The following DENND2B variants were observed in gnomAD, a reference collection of about 807,000 sequenced individuals.
DENND2B encodes the protein DENN domain-containing protein 2B.
In DENND2B, 32 loss-of-function variants were observed where a neutral mutation model predicts 116.0. The observed-to-expected ratio is 0.28, with a 90% CI of 0.21 to 0.37. The LOEUF (loss-of-function observed/expected upper bound fraction) is 0.37. Among genes scored for constraint, DENND2B ranks in the 10% least tolerant of loss-of-function variants. The pLI is 1.00. For missense variants in DENND2B, 1,276 were observed against 1,477.7 expected, an observed-to-expected ratio of 0.86 and a Z score of 2.24; for synonymous variants, 588 against 583.9, an observed-to-expected ratio of 1.01 and a Z score of -0.10.
At chr11:8,823,754 C>T (rs2061855799) in intron 4 of DENND2B, among the ~76,000 whole-genome samples, 1 of 152,124 alleles carries the variant, frequency 6.6e-6, no homozygotes, top group Admixed American at 6.6e-5. Context: ...TATAAATTAC[C>T]CAGTCTTGGG....
At chr11:8,810,943 A>T (rs1012111316), upstream of DENND2B, 5 of 218,244 alleles carry the variant, frequency 2.3e-5, no homozygotes, top group Middle Eastern at 1.4e-3. Context: ...AGGGGCTCTG[A>T]ACTGCTCCTG....
At chr11:8,738,609 G>A (rs10840115) in intron 2 of DENND2B, among the ~76,000 whole-genome samples, 76,609 of 151,970 alleles carry the variant, frequency 0.5, 21,730 homozygotes, top group Non-Finnish European at 0.63. Context: ...CCCCATCCCT[G>A]CTGCTACTGC....
chr11:8,767,699 A>G (rs2056104698), intron 1 of DENND2B, among the ~76,000 whole-genome samples: 1 of 152,070 alleles, frequency 6.6e-6, no homozygotes, highest in Non-Finnish European at 1.5e-5. Context: ...ACCACACTCC[A>G]CTCAGTTACA....
At chr11:8,843,228 G>C (rs757658815) in intron 3 of DENND2B, among the ~76,000 whole-genome samples, 1 of 152,104 alleles carries the variant, frequency 6.6e-6, no homozygotes, top group African/African-American at 2.4e-5. Context: ...TGTTGGTCTC[G>C]AACTCCTGAC....
At chr11:8,755,347 T>C (rs2053427209) in intron 1 of DENND2B, among the ~76,000 whole-genome samples, 1 of 152,358 alleles carries the variant, frequency 6.6e-6, no homozygotes. Flanking sequence ...TGATTGGTTT[T>C]GATGATAAAA....
chr11:8,772,679 T>A (rs1232841967), intron 1 of DENND2B, among the ~76,000 whole-genome samples: 1 of 151,982 alleles, frequency 6.6e-6, no homozygotes, highest in African/African-American at 2.4e-5. Flanking sequence ...AAAATGAGGC[T>A]AGAAAGGCAG....
At chr11:8,754,029 G>GCACGCA (rs1555169803) in intron 1 of DENND2B, among the ~76,000 whole-genome samples, 2 of 138,734 alleles carry the variant, frequency 1.4e-5, no homozygotes, top group Non-Finnish European at 1.5e-5. Context: ...CCAAAAGCGC[G>GCACGCA]CACACACACA....
At chr11:8,840,422 T>C (rs577027570) in intron 3 of DENND2B, among the ~76,000 whole-genome samples, 2 of 151,964 alleles carry the variant, frequency 1.3e-5, no homozygotes, top group African/African-American at 4.8e-5. Context: ...AAGAAAATAA[T>C]AGGGCTGAAC....
At chr11:8,887,940 C>A (rs749677084) in intron 1 of DENND2B, among the ~76,000 whole-genome samples, 1 of 152,098 alleles carries the variant, frequency 6.6e-6, no homozygotes, top group Non-Finnish European at 1.5e-5. Flanking sequence ...TTCGTTACTA[C>A]TGGGGATGGG....
At chr11:8,787,626 G>A (rs1274908695) in intron 1 of DENND2B, among the ~76,000 whole-genome samples, 2 of 152,208 alleles carry the variant, frequency 1.3e-5, no homozygotes, top group East Asian at 3.8e-4. Context: ...AAACACAGGT[G>A]TCTGGCAAGA....
chr11:8,891,329 C>T (rs1311127591), intron 1 of DENND2B, among the ~76,000 whole-genome samples: 1 of 152,194 alleles, frequency 6.6e-6, no homozygotes, highest in African/African-American at 2.4e-5. Flanking sequence ...GAAACTGCAT[C>T]AACTAACAGG....
chr11:8,847,212 T>A (rs1465479663), intron 3 of DENND2B, among the ~76,000 whole-genome samples: 1 of 152,164 alleles, frequency 6.6e-6, no homozygotes. Flanking sequence ...ACAAACCACG[T>A]TCTAGTGGAG....
intron 1 of DENND2B, among the ~76,000 whole-genome samples, chr11:8,889,616 G>A (rs2064002922): frequency 6.6e-6 from 1 of 152,224 alleles, no homozygotes; most frequent in Non-Finnish European, 1.5e-5. Flanking sequence ...GGCTCGGAGG[G>A]TCCCATGTCC....
chr11:8,845,497 C>A (rs1405271780), intron 3 of DENND2B: 1 of 152,246 alleles, frequency 6.6e-6, no homozygotes, highest in Non-Finnish European at 1.5e-5. Context: ...TGGAAACCAT[C>A]TGACTTAGAA....
intron 6 of DENND2B, chr11:8,715,382 C>G (rs2044551177): frequency 1.7e-6 from 1 of 571,820 alleles, no homozygotes; most frequent in Non-Finnish European, 3.1e-6. Flanking sequence ...TTTCCTTCCT[C>G]TAACATCTGA....
chr11:8,901,202 T>C (rs1354861276), intron 1 of DENND2B, among the ~76,000 whole-genome samples: 1 of 97,564 alleles, frequency 1.0e-5, no homozygotes, highest in Non-Finnish European at 2.3e-5. Flanking sequence ...TTCCTAGTTT[T>C]TCTTTTTCTT....
At chr11:8,860,012 C>T (rs1335547304) in intron 2 of DENND2B, among the ~76,000 whole-genome samples, 1 of 152,022 alleles carries the variant, frequency 6.6e-6, no homozygotes, top group Non-Finnish European at 1.5e-5. Context: ...CAAAATATTC[C>T]CAGAAAAACA....
At chr11:8,886,452 G>A (rs375406575) in intron 1 of DENND2B, among the ~76,000 whole-genome samples, 6 of 152,130 alleles carry the variant, frequency 3.9e-5, no homozygotes, top group Admixed American at 1.3e-4. Flanking sequence ...AGGAGATGCT[G>A]TATCTGGAAA....
intron 1 of DENND2B, among the ~76,000 whole-genome samples, chr11:8,903,635 C>T (rs925175313): frequency 1.3e-5 from 2 of 151,842 alleles, no homozygotes; most frequent in African/African-American, 4.8e-5. Context: ...AGTATTGAAA[C>T]TGACTCAAGA....
Sources: gnomAD v4.1 joint callset for allele counts (sites outside exome capture counted in the v4.1 genomes callset) on GRCh38, gnomAD v4.1.1 for gene constraint, MANE v1.5 for transcripts, NCBI Gene and HGNC (gene_info 2026-07-23, HGNC 2026-07-21) for gene names.